DSCAM: variants seen among roughly 807,000 people sequenced by gnomAD.
DSCAM encodes the protein DS cell adhesion molecule, also known as cell adhesion molecule DSCAM.
In DSCAM, 47 loss-of-function variants were observed where a neutral mutation model predicts 217.7. The ratio of observed to expected loss-of-function variants is 0.22; its 90% CI spans 0.17 to 0.28. DSCAM has a LOEUF of 0.28. Among genes scored for constraint, DSCAM ranks in the 10% least tolerant of loss-of-function variants. The pLI is 1.00. For missense variants in DSCAM, 2,080 were observed against 2,618.3 expected (o/e 0.79, Z 4.49); for synonymous variants, 1,056 against 1,015.3 (o/e 1.04, Z -0.76).
At chr21:40,220,083 T>C (rs991635645) in intron 11 of DSCAM, among the ~76,000 whole-genome samples, 1 of 152,246 alleles carries the variant, frequency 6.6e-6, no homozygotes, top group Non-Finnish European at 1.5e-5. Flanking sequence ...ATTTGATCTT[T>C]GGTTTTAACT....
chr21:40,579,331 G>A (rs2076884614), intron 3 of DSCAM, among the ~76,000 whole-genome samples: 1 of 151,750 alleles, frequency 6.6e-6, no homozygotes, highest in Non-Finnish European at 1.5e-5. Flanking sequence ...AAGCAGTGAG[G>A]AAAAAAAGCT....
intron 3 of DSCAM, among the ~76,000 whole-genome samples, chr21:40,394,122 T>G (rs1026205353): frequency 7.2e-5 from 11 of 152,356 alleles, no homozygotes; most frequent in African/African-American, 2.6e-4. Flanking sequence ...GGTGGTTTAA[T>G]GCAATGACAA....
At chr21:40,025,418 A>T (rs1301256710) in intron 32 of DSCAM, among the ~76,000 whole-genome samples, 1 of 143,240 alleles carries the variant, frequency 7.0e-6, no homozygotes, top group Admixed American at 6.9e-5. Context: ...CTCTTTTTCT[A>T]TTGATTGGAA....
intron 6 of DSCAM, among the ~76,000 whole-genome samples, chr21:40,346,996 T>C (rs928160617): frequency 6.6e-6 from 1 of 152,114 alleles, no homozygotes; most frequent in African/African-American, 2.4e-5. Flanking sequence ...GGGCCAGAGA[T>C]GCTGCCAAAG....
At chr21:40,327,579 A>G (rs2074331508) in intron 8 of DSCAM, among the ~76,000 whole-genome samples, 1 of 150,252 alleles carries the variant, frequency 6.7e-6, no homozygotes, top group African/African-American at 2.4e-5. Flanking sequence ...ACTTCCAGTG[A>G]CATGTTGAAT....
chr21:40,257,091 T>C (rs2073382561), intron 11 of DSCAM, among the ~76,000 whole-genome samples: 2 of 152,240 alleles, frequency 1.3e-5, no homozygotes, highest in Admixed American at 1.3e-4. Flanking sequence ...TCATATGTTA[T>C]ATGATAATGG....
chr21:40,406,239 T>C (rs2075278916), intron 3 of DSCAM, among the ~76,000 whole-genome samples: 1 of 152,166 alleles, frequency 6.6e-6, no homozygotes, highest in Non-Finnish European at 1.5e-5. Flanking sequence ...GAAAATGGTA[T>C]GGAAGCTCCT....
chr21:40,381,288 A>G (rs1378158925), intron 3 of DSCAM, among the ~76,000 whole-genome samples: 1 of 152,064 alleles, frequency 6.6e-6, no homozygotes, highest in Non-Finnish European at 1.5e-5. Flanking sequence ...GTAGCCCTTT[A>G]TAGAGATATG....
chr21:40,323,146 A>T (rs533365379), intron 8 of DSCAM, among the ~76,000 whole-genome samples: 13 of 152,104 alleles, frequency 8.5e-5, no homozygotes, highest in Non-Finnish European at 1.5e-4. Context: ...GCTCACTGTC[A>T]TTGGCCTGCA....
At chr21:40,723,196 A>AG (rs1446293068) in intron 1 of DSCAM, among the ~76,000 whole-genome samples, 2 of 151,888 alleles carry the variant, frequency 1.3e-5, no homozygotes. Flanking sequence ...AACTGTGAGT[A>AG]GAAAAAATCC....
chr21:40,274,980 T>C (rs955943984), intron 11 of DSCAM, among the ~76,000 whole-genome samples: 3 of 151,898 alleles, frequency 2.0e-5, no homozygotes, highest in African/African-American at 4.8e-5. Flanking sequence ...ATAAATCATA[T>C]AGTAGAGACT....
chr21:40,610,068 A>G (rs1317142636), intron 3 of DSCAM, among the ~76,000 whole-genome samples: 2 of 152,218 alleles, frequency 1.3e-5, no homozygotes, highest in African/African-American at 4.8e-5. Context: ...CACCTTTAAA[A>G]CAAGCACGGG....
At chr21:40,465,113 A>T (rs2145956198) in intron 3 of DSCAM, among the ~76,000 whole-genome samples, 1 of 152,238 alleles carries the variant, frequency 6.6e-6, no homozygotes, top group South Asian at 2.1e-4. Flanking sequence ...TCGTCTTTGC[A>T]CTAAAATAAG....
intron 3 of DSCAM, 109 bp from the exon 4 acceptor site, chr21:40,369,354 T>C (rs937964878): frequency 8.9e-6 from 10 of 1,120,848 alleles, no homozygotes; most frequent in Non-Finnish European, 1.2e-5. Flanking sequence ...AGAAACTTAA[T>C]GAAAAGGCTA....
At chr21:40,776,367 C>G (rs1223185446) in intron 1 of DSCAM, among the ~76,000 whole-genome samples, 1 of 152,118 alleles carries the variant, frequency 6.6e-6, no homozygotes, top group African/African-American at 2.4e-5. Flanking sequence ...GGATTATGAT[C>G]AGCTGCCCAC....
intron 3 of DSCAM, among the ~76,000 whole-genome samples, chr21:40,378,741 G>A (rs1449847211): frequency 1.3e-5 from 2 of 151,316 alleles, no homozygotes; most frequent in Non-Finnish European, 1.5e-5. Context: ...ACAGGCGCCC[G>A]CTACCACGCC....
intron 3 of DSCAM, among the ~76,000 whole-genome samples, chr21:40,442,377 T>A (rs7510541): frequency 2.6e-5 from 4 of 151,682 alleles, no homozygotes; most frequent in African/African-American, 7.2e-5. Context: ...ACTAGTTTTT[T>A]AAATTTAAAT....
chr21:40,252,391 G>A (rs773620220), intron 11 of DSCAM, among the ~76,000 whole-genome samples: 5 of 152,110 alleles, frequency 3.3e-5, no homozygotes, highest in Admixed American at 6.5e-5. Context: ...TCTGCCCATA[G>A]ATATAAACAG....
chr21:40,629,853 A>T (rs564225934), intron 3 of DSCAM, among the ~76,000 whole-genome samples: 3 of 152,326 alleles, frequency 2.0e-5, no homozygotes, highest in Admixed American at 2.0e-4. Flanking sequence ...TTACTATTGG[A>T]GACCTGGCAT....
Sources: gnomAD v4.1 joint callset for allele counts (sites outside exome capture counted in the v4.1 genomes callset) on GRCh38, gnomAD v4.1.1 for gene constraint, MANE v1.5 for transcripts, NCBI Gene and HGNC (gene_info 2026-07-23, HGNC 2026-07-21) for gene names.